TRAF3: variants seen among roughly 807,000 people sequenced by gnomAD.
TRAF3 encodes the protein TNF receptor associated factor 3.
Under a neutral mutation model 62.3 loss-of-function variants are expected in TRAF3, and 13 were observed. The observed-to-expected ratio is 0.21, with a 90% CI of 0.14 to 0.33. TRAF3 has a LOEUF of 0.33. TRAF3 is among the 10% of genes least tolerant of loss of function. The pLI, the probability that TRAF3 is intolerant of heterozygous loss-of-function variation, is 1.00. For synonymous variants in TRAF3, 269 were observed against 283.4 expected, an observed-to-expected ratio of 0.95 and a Z score of 0.51; for missense variants, 440 against 741.8, an observed-to-expected ratio of 0.59 and a Z score of 4.73.
At chr14:102,884,956 C>T (rs1006488344) in intron 6 of TRAF3, among the ~76,000 whole-genome samples, 5 of 152,152 alleles carry the variant, frequency 3.3e-5, no homozygotes, top group African/African-American at 1.2e-4. Context: ...AACGTGCATC[C>T]CCTGATACTG....
At chr14:102,827,598 G>C (rs1172900972) in intron 1 of TRAF3, among the ~76,000 whole-genome samples, 1 of 152,188 alleles carries the variant, frequency 6.6e-6, no homozygotes, top group Non-Finnish European at 1.5e-5. Context: ...TTGGTACTCA[G>C]AAAGTTTCGG....
chr14:102,841,296 G>C (rs752029682), intron 2 of TRAF3, among the ~76,000 whole-genome samples: 46 of 152,194 alleles, frequency 3.0e-4, no homozygotes, highest in Admixed American at 4.6e-4. Context: ...TGAGGCGTTG[G>C]CTGCATCCTG....
chr14:102,873,017 T>G (rs1229787617), intron 4 of TRAF3, among the ~76,000 whole-genome samples: 1 of 152,180 alleles, frequency 6.6e-6, no homozygotes, highest in African/African-American at 2.4e-5. Context: ...GCTTAAAATA[T>G]CAATAAAAAT....
intron 2 of TRAF3, among the ~76,000 whole-genome samples, chr14:102,867,498 G>T (rs1222450991): frequency 6.6e-6 from 1 of 152,144 alleles, no homozygotes; most frequent in Non-Finnish European, 1.5e-5. Flanking sequence ...GTATGGGGGA[G>T]TTGAGAGAGA....
rs541178586 is a variant in TRAF3 at position 102,795,512 on chromosome 14, T to C, written c.-157+17837T>C. 5.3e-5 allele frequency among the ~76,000 whole-genome samples: 8 copies of C among 152,258 alleles called. No homozygotes were observed. The South Asian group carries it at 1.5e-3, about 28-fold the overall frequency. ...TAGACACCTGAACTTCTGTGCAACA[T>C]AGGCATGAATGAGGAGAGTGAGCTA... On this transcript the variant is annotated intron_variant, in intron 1 of 11. Transcript: ENST00000392745.
intron 2 of TRAF3, among the ~76,000 whole-genome samples, chr14:102,869,553 TC>T (rs1888204849): frequency 6.6e-6 from 1 of 152,116 alleles, no homozygotes; most frequent in African/African-American, 2.4e-5. Flanking sequence ...ACACCTGTAA[TC>T]CCAGCACTTT....
chr14:102,791,720 G>A (rs1419493707), intron 1 of TRAF3, among the ~76,000 whole-genome samples: 2 of 152,142 alleles, frequency 1.3e-5, no homozygotes, highest in Non-Finnish European at 2.9e-5. Flanking sequence ...ATTTTGAATA[G>A]GAGTGATGAA....
At position 102,870,399 on chromosome 14, in the gene TRAF3, C is replaced by G. The variant is rs1275435989; in HGVS notation, c.198C>G (p.Thr66=). 3.8e-5 allele frequency: 62 copies of G among 1,613,984 alleles called. No homozygotes were observed. The highest frequency in any genetic ancestry group is 5.1e-5 in the Non-Finnish European group (60 of 1,180,022). ...CHLVLCSPKQ[T]ECGHRFCESC... is the part of the protein sequence containing the mutation. The stretch of plus-strand genomic sequence containing the variant: ...TGGTGCTGTGCAGCCCGAAGCAGAC[C>G]GAGTGTGGGCACCGCTTCTGCGAGA... Residue 66 remains threonine, a synonymous_variant, in exon 3 of 12, where the codon ACC becomes ACG. Transcript: ENST00000392745.
intron 1 of TRAF3, among the ~76,000 whole-genome samples, chr14:102,785,290 C>G (rs1398689235): frequency 1.3e-5 from 2 of 152,228 alleles, no homozygotes; most frequent in Non-Finnish European, 1.5e-5. Flanking sequence ...TCCTTTCTTA[C>G]AGCAGCCTCC....
chr14:102,853,737 C>T (rs11850939), intron 2 of TRAF3, among the ~76,000 whole-genome samples: 1 of 151,522 alleles, frequency 6.6e-6, no homozygotes, highest in East Asian at 1.9e-4. Flanking sequence ...AATTGGGAGG[C>T]TGAGGCAGCA....
rs565277441 is a variant in TRAF3 at position 102,904,542 on chromosome 14, G to A, written c.1136-671G>A. ...ATTAAAAAATGAGGCCGGGTGCAGT[G>A]GCTCACGCCTGTAATCCCAGCACTT... On this transcript the variant is annotated intron_variant, in intron 11 of 11. Coordinates refer to ENST00000392745, the MANE Select transcript of TRAF3 (RefSeq NM_145725.3). 2.8e-4 allele frequency among the ~76,000 whole-genome samples: 43 copies of A among 152,262 alleles called. 1 individual carries two copies. The South Asian group carries it at 8.7e-3, about 31-fold the overall frequency.
chr14:102,872,704 T>TC (rs1026029607), intron 4 of TRAF3, among the ~76,000 whole-genome samples: 4 of 151,740 alleles, frequency 2.6e-5, no homozygotes, highest in African/African-American at 9.7e-5. Context: ...TTTTTCTTTT[T>TC]TTTTTGCGAC....
intron 2 of TRAF3, among the ~76,000 whole-genome samples, chr14:102,850,255 T>C (rs1340284343): frequency 1.3e-5 from 2 of 152,156 alleles, no homozygotes; most frequent in Non-Finnish European, 2.9e-5. Flanking sequence ...CAAACTAAAC[T>C]TTTATGAAAG....
At chr14:102,837,178 G>A (rs1389447988) in intron 2 of TRAF3, among the ~76,000 whole-genome samples, 2 of 149,852 alleles carry the variant, frequency 1.3e-5, no homozygotes, top group Non-Finnish European at 3.0e-5. Flanking sequence ...TTGCTCTGTT[G>A]CCCAGGCTGG....
chr14:102,796,115 G>T (rs1898069982), intron 1 of TRAF3, among the ~76,000 whole-genome samples: 1 of 152,236 alleles, frequency 6.6e-6, no homozygotes, highest in Admixed American at 6.5e-5. Flanking sequence ...TACTTGGGAG[G>T]CTGAGGCAGG....
At chr14:102,784,214 CCTTTT>C (rs1897382958) in intron 1 of TRAF3, among the ~76,000 whole-genome samples, 1 of 100,592 alleles carries the variant, frequency 9.9e-6, no homozygotes, top group African/African-American at 3.3e-5. Context: ...AGATGCTTGG[CCTTTT>C]TTTTTTTTTT....
At chr14:102,896,986 A>T (rs571754279) in intron 9 of TRAF3, among the ~76,000 whole-genome samples, 164 of 152,280 alleles carry the variant, frequency 1.1e-3, no homozygotes, top group Non-Finnish European at 1.8e-3. Context: ...AAGTGGGAGG[A>T]TCACTTGAGC....
At chr14:102,876,738 A>C (rs1309498755) in intron 6 of TRAF3, 2 of 614,378 alleles carry the variant, frequency 3.3e-6, no homozygotes, top group African/African-American at 1.9e-5. Flanking sequence ...GCCTTCCCTC[A>C]ACTCATAGAT....
At chr14:102,904,024 C>G (rs1369765293) in intron 11 of TRAF3, 3 of 355,934 alleles carry the variant, frequency 8.4e-6, no homozygotes, top group South Asian at 2.1e-5. Flanking sequence ...TCCAAGAGAG[C>G]AGAGGCCACC....
Sources: gnomAD v4.1 joint callset for allele counts (sites outside exome capture counted in the v4.1 genomes callset) on GRCh38, gnomAD v4.1.1 for gene constraint, MANE v1.5 for transcripts, NCBI Gene and HGNC (gene_info 2026-07-23, HGNC 2026-07-21) for gene names.